The following SLC4A9 variants were observed in gnomAD, a reference collection of about 807,000 sequenced individuals.
SLC4A9 encodes the protein solute carrier family 4 member 9.
A neutral mutation model predicts 103.2 loss-of-function variants in SLC4A9; 102 were observed. The ratio of observed to expected loss-of-function variants is 0.99; its 90% CI spans 0.84 to 1.17. The LOEUF (loss-of-function observed/expected upper bound fraction) is 1.17, where lower values mean the gene tolerates loss of function less well. SLC4A9 is among the 50% of genes most tolerant of loss of function. The pLI is 0.00. For synonymous variants in SLC4A9, 453 were observed against 483.6 expected (o/e 0.94, Z 0.83); for missense variants, 1,091 against 1,193.7 (o/e 0.91, Z 1.27).
chr5:140,367,708 C>A lies in SLC4A9; in HGVS notation c.2176-12C>A. On this transcript the variant is annotated splice_polypyrimidine_tract_variant and intron_variant, in intron 15 of 21. Transcript: ENST00000506757. ...CTAGCTTCATCCTCATTGCCCCCAC[C>A]ACTACCTGCAGAAGGGAGCTGGCTT... The A allele has an allele frequency of 1.9e-6, 3 of 1,613,652 alleles. No homozygotes were observed. Among genetic ancestry groups the A allele is most frequent in the Non-Finnish European group, 2.5e-6 (3 of 1,179,640 alleles).
chr5:140,363,861 A>T lies in SLC4A9; in HGVS notation c.1213A>T (p.Thr405Ser). The T allele has an allele frequency of 6.2e-7, 1 of 1,613,834 alleles. No homozygotes were observed. Among genetic ancestry groups the T allele is most frequent in the South Asian group, 1.1e-5 (1 of 91,074 alleles). The change falls in exon 9 of 22, where the codon ACT (threonine) becomes TCT (serine). Residue 405 changes from threonine to serine, a missense_variant. Physicochemically the swap from Thr to Ser is moderately conservative, Grantham distance 58. Coordinates refer to ENST00000506757, the MANE Select transcript of SLC4A9 (RefSeq NM_031467.3). This position sits in a 1 kb window ranked among gnomAD's most constrained non-coding sequence, Gnocchi z 4.5. ...CCTGGCCACTGTCACTAATGCCATC[A>T]CTTTTGGGGGTCTGCTGGGAGATGC... ...IYLATVTNAITFGGLLGDATD... is the reference protein window; with the variant it reads ...IYLATVTNAISFGGLLGDATD...
At chr5:140,367,983 T>G in intron 16 of SLC4A9, 85 bp downstream of exon 16, 1 of 1,432,642 alleles carries the variant, frequency 7.0e-7, no homozygotes, top group Admixed American at 1.9e-5. Flanking sequence ...TTGGGCAGCT[T>G]AAATTCTAAG....
chr5:140,365,795 C>T, intron 12 of SLC4A9, 39 bp from the exon 13 acceptor site: 1 of 1,589,266 alleles, frequency 6.3e-7, no homozygotes, highest in African/African-American at 1.3e-5. Flanking sequence ...ACATTTACTC[C>T]ATTGCCTATA....
intron 12 of SLC4A9, 86 bp from the exon 13 acceptor site, chr5:140,365,748 G>T: frequency 6.7e-7 from 1 of 1,488,800 alleles, no homozygotes; most frequent in Middle Eastern, 1.8e-4. Context: ...TGTCTCTGTG[G>T]GTCCCTCCTC....
chr5:140,361,295 G>C lies in SLC4A9; in HGVS notation c.433G>C (p.Gly145Arg). 6.4e-7 allele frequency: 1 copy of C among 1,572,538 alleles called. No individual in the cohort carries two copies. Among genetic ancestry groups the C allele is most frequent in the Non-Finnish European group, 8.6e-7 (1 of 1,158,764 alleles). ...RVESLSPELR[G>R]QLQALLLQRP... is the part of the protein sequence containing the mutation. ...GGAGTCGCTGAGCCCAGAGCTGAGA[G>C]GGCAGTTGCAGGCCTTGCTGCTGCA... Residue 145 changes from glycine (G) to arginine (R), a missense_variant, in exon 3 of 22, where the codon GGG becomes CGG. By Grantham distance (125) the Gly-to-Arg change is moderately radical (BLOSUM62 -2). Transcript: ENST00000506757.
rs1766890061 is a variant in SLC4A9, at chr5:140,360,394, A to T, written c.158A>T (p.Asp53Val). Residue 53 changes from aspartate (D) to valine (V), a missense_variant, in exon 1 of 22, where the codon GAC becomes GTC. Physicochemically the swap from Asp to Val is radical, Grantham distance 152. Transcript: ENST00000506757. ...TESKELGVPKDPLLFIQLNEL... is the reference protein window; with the variant it reads ...TESKELGVPKVPLLFIQLNEL... ...AGCAAGGAACTGGGAGTACCCAAAG[A>T]CCCTCTGCTCTTCATTCAGCTGAAT... The T allele has an allele frequency of 1.1e-5, 17 of 1,603,908 alleles. No individual in the cohort carries two copies. The highest frequency in any genetic ancestry group is 1.4e-5 in the Non-Finnish European group (17 of 1,175,160).
At chr5:140,371,340 G>A (rs547342552) in intron 18 of SLC4A9, 111 bp from the exon 19 acceptor site, 67 of 1,459,796 alleles carry the variant, frequency 4.6e-5, no homozygotes, top group African/African-American at 2.8e-4. Flanking sequence ...TCAGGGACTC[G>A]GCTGCCATGC....
At position 140,372,779 on chromosome 5, in the gene SLC4A9, TCAA is replaced by T. The variant is rs766859030; in HGVS notation, c.2864_2866del (p.Asn955del). 16 of 1,577,676 alleles carry T rather than the reference TCAA, an allele frequency of 1.0e-5. No homozygotes were observed. The highest frequency in any genetic ancestry group is 1.3e-5 in the Non-Finnish European group (15 of 1,160,550). ...ATGTATCAGCCAAAGGCTCCAGAAA[TCAA>T]CATTTCTGTGAATTAGCTGGAGTAG... is the stretch of plus-strand genomic sequence containing the variant. On this transcript the variant is annotated inframe_deletion, in exon 21 of 22. Coordinates refer to ENST00000506757, the MANE Select transcript of SLC4A9 (RefSeq NM_031467.3).
chr5:140,371,397 C>T, intron 18 of SLC4A9, 54 bp from the exon 19 acceptor site: 1 of 1,601,412 alleles, frequency 6.2e-7, no homozygotes, highest in Non-Finnish European at 8.5e-7. Context: ...TCAGTGACAC[C>T]CTCCTATCAG....
chr5:140,365,863 G>C lies in SLC4A9; in HGVS notation c.1740G>C (p.Leu580=). The C allele has an allele frequency of 6.2e-7, 1 of 1,613,808 alleles. No homozygotes were observed. The highest frequency in any genetic ancestry group is 1.1e-5 in the South Asian group (1 of 91,068). Residue 580 remains leucine (L), a synonymous_variant, in exon 13 of 22, where the codon CTG becomes CTC. Coordinates refer to ENST00000506757, the MANE Select transcript of SLC4A9 (RefSeq NM_031467.3). ...TAGGCCTGATCAATGCATCCTTGCT[G>C]CCGCCACCTGAGTGCACCCGGCAGG... ...MDLGLINASL[L]PPPECTRQGG... is the part of the protein sequence containing the mutation.
chr5:140,364,570 C>G lies in SLC4A9; in HGVS notation c.1596C>G (p.Ile532Met). Residue 532 changes from isoleucine (I) to methionine (M), a missense_variant, in exon 11 of 22, where the codon ATC (isoleucine) becomes ATG (methionine). Transcript: ENST00000506757. ...KMLNLTHTYP[I>M]QKPGSSAYGC... ...TGAACTTGACCCATACCTATCCTAT[C>G]CAGAAGCCTGGGTCCTCTGCCTACG... The G allele has an allele frequency of 6.2e-7, 1 of 1,603,686 alleles. No homozygotes were observed. The highest frequency in any genetic ancestry group is 1.1e-5 in the South Asian group (1 of 89,506).
At chr5:140,367,351 G>A in intron 14 of SLC4A9, 69 bp from the exon 15 acceptor site, 1 of 1,536,630 alleles carries the variant, frequency 6.5e-7, no homozygotes, top group South Asian at 1.3e-5. Context: ...GAATGCCAAG[G>A]TTGAGATGTG....
intron 10 of SLC4A9, 23 bp from the exon 11 acceptor site, chr5:140,364,340 C>T (rs1767573511): frequency 3.1e-6 from 5 of 1,611,222 alleles, no homozygotes; most frequent in Non-Finnish European, 4.2e-6. Flanking sequence ...CTAAGCCAGC[C>T]TTCCTGTCTC....
In SLC4A9 at chr5:140,368,602, A is replaced by C; in HGVS notation, c.2370A>C (p.Thr790=). 1 of 1,613,106 alleles carries C rather than the reference A, an allele frequency of 6.2e-7. No individual in the cohort carries two copies. Among genetic ancestry groups the C allele is most frequent in the South Asian group, 1.1e-5 (1 of 90,938 alleles). The change falls in exon 17 of 22, where the codon ACA becomes ACC. Residue 790 remains threonine (T), a synonymous_variant. Transcript: ENST00000506757. The stretch of plus-strand genomic sequence containing the variant: ...CTCCCCACAGGGAACAGAGGCTGAC[A>C]GGCCTGGTGGTGTTCATCCTTACAG... ...NFLGIREQRL[T]GLVVFILTGA...
chr5:140,368,692 A>G, intron 17 of SLC4A9, 33 bp downstream of exon 17: 1 of 1,585,924 alleles, frequency 6.3e-7, no homozygotes, highest in Admixed American at 1.7e-5. Flanking sequence ...GATCAGGGTC[A>G]GTGTAGTAAT....
chr5:140,372,552 G>T, intron 20 of SLC4A9, 155 bp downstream of exon 20: 1 of 1,450,416 alleles, frequency 6.9e-7, no homozygotes. Flanking sequence ...CAGACTGAAG[G>T]GGTGAAGGAA....
rs1229095811 is a variant in SLC4A9, at chr5:140,365,918, A to G, written c.1795A>G (p.Thr599Ala). The change falls in exon 13 of 22, where the codon ACA (threonine) becomes GCA (alanine). Residue 599 changes from threonine (T) to alanine (A), a missense_variant. Coordinates refer to ENST00000506757, the MANE Select transcript of SLC4A9 (RefSeq NM_031467.3). Reference protein sequence around the residue: ...GGHPRGPGCHTVPDIAFFSLL... With the variant: ...GGHPRGPGCHAVPDIAFFSLL... ...CCACCCTCGTGGCCCTGGCTGTCAT[A>G]CAGTCCCAGACATTGCCTTCTTCTC... 1.2e-6 allele frequency: 2 copies of G among 1,613,904 alleles called. No homozygotes were observed. The highest frequency in any genetic ancestry group is 1.7e-6 in the Non-Finnish European group (2 of 1,179,898).
Position 140,362,465 on chromosome 5 carries a change from G to T in SLC4A9, c.740G>T (p.Gly247Val). 6.2e-7 allele frequency: 1 copy of T among 1,614,036 alleles called. No individual in the cohort carries two copies. The highest frequency in any genetic ancestry group is 8.5e-7 in the Non-Finnish European group (1 of 1,179,884). ...LPSRFFCLLL[G>V]PCMLGKGYHE... ...CTCAGGTTTTTCTGCCTTCTCCTGG[G>T]CCCCTGTATGCTGGGAAAGGGCTAC... The change falls in exon 6 of 22, where the codon GGC (glycine) becomes GTC (valine). Residue 247 changes from glycine (G) to valine (V), a missense_variant. By Grantham distance (109) the Gly-to-Val change is moderately radical (BLOSUM62 -3). Transcript: ENST00000506757.
intron 1 of SLC4A9, 89 bp from the exon 2 acceptor site, chr5:140,360,723 T>G (rs757192587): frequency 1.3e-6 from 2 of 1,582,370 alleles, no homozygotes; most frequent in Non-Finnish European, 1.7e-6. Flanking sequence ...ATGCCCTCAT[T>G]GCCTTGCCTT....
Sources: allele counts gnomAD v4.1 joint callset, GRCh38; gene constraint gnomAD v4.1.1; non-coding constraint Gnocchi (gnomAD v3.1); transcripts MANE v1.5; gene names NCBI Gene and HGNC (gene_info 2026-07-23, HGNC 2026-07-21).